Variants in LRP1B observed in about 807,000 individuals in gnomAD.
The protein encoded by LRP1B is LDL receptor related protein 1B, also known as low-density lipoprotein receptor-related protein 1B.
In LRP1B, 217 loss-of-function variants were observed where a neutral mutation model predicts 556.6. The observed-to-expected ratio is 0.39, with a 90% CI of 0.35 to 0.44. LRP1B has a LOEUF of 0.44. Ranked by LOEUF, LRP1B falls within the 20% of genes least tolerant of loss-of-function variation. The pLI, the probability that LRP1B is intolerant of heterozygous loss-of-function variation, is 1.00. For synonymous variants in LRP1B, 2,047 were observed against 1,865.8 expected (o/e 1.10, Z -2.50); for missense variants, 5,053 against 5,620.8 (o/e 0.90, Z 3.23).
chr2:140,854,359 A>G (rs7566979), intron 27 of LRP1B, among the ~76,000 whole-genome samples: 2,338 of 152,238 alleles, frequency 0.015, 64 homozygotes, highest in African/African-American at 0.052. Context: ...TAAAAATTGC[A>G]TTGACTTTGT....
chr2:141,779,738 G>T (rs1695189848), intron 2 of LRP1B, among the ~76,000 whole-genome samples: 1 of 151,800 alleles, frequency 6.6e-6, no homozygotes, highest in Non-Finnish European at 1.5e-5. Flanking sequence ...CCATTGTATA[G>T]ATAGGAAATT....
In LRP1B at chr2:141,895,928, G is replaced by T. The variant is rs184969850; in HGVS notation, c.83-85527C>A. Among the ~76,000 whole-genome samples, 999 of 151,172 alleles carry T rather than the reference G, an allele frequency of 6.6e-3. 5 individuals carry two copies. The highest frequency in any genetic ancestry group is 0.028 in the South Asian group (132 of 4,768). On this transcript the variant is annotated intron_variant, in intron 1 of 90. Transcript: ENST00000389484. ...ATTTTTTGAGTTAGTAAGGATGGCC[G>T]GGACAGCCACCTCCTCTTTTTTAAT...
intron 27 of LRP1B, among the ~76,000 whole-genome samples, chr2:140,861,588 T>C (rs1259873149): frequency 6.6e-6 from 1 of 152,210 alleles, no homozygotes; most frequent in Admixed American, 6.5e-5. Flanking sequence ...CTAAGCTGAT[T>C]GCTATGAAGG....
chr2:141,785,481 G>A (rs913486798), intron 2 of LRP1B, among the ~76,000 whole-genome samples: 1 of 151,704 alleles, frequency 6.6e-6, no homozygotes, highest in African/African-American at 2.4e-5. Flanking sequence ...AAGATTTTAG[G>A]TGACTCTTTT....
At position 141,174,118 on chromosome 2, in the gene LRP1B, A is replaced by C. The variant is rs16845570; in HGVS notation, c.1013+14303T>G. On this transcript the variant is annotated intron_variant, in intron 7 of 90. Coordinates refer to ENST00000389484, the MANE Select transcript of LRP1B (RefSeq NM_018557.3). ...ATAAATGATAAGCTAATGTGTATTTAAAGTCCAAGACTCCAAATCTGGAAA... is the reference window on the plus strand; with the variant it reads ...ATAAATGATAAGCTAATGTGTATTTCAAGTCCAAGACTCCAAATCTGGAAA... 3.9e-3 allele frequency among the ~76,000 whole-genome samples: 596 copies of C among 152,224 alleles called. 6 individuals carry two copies. The highest frequency in any genetic ancestry group is 0.013 in the African/African-American group (557 of 41,562).
chr2:141,979,410 C>G (rs1701981772), intron 1 of LRP1B, among the ~76,000 whole-genome samples: 1 of 152,078 alleles, frequency 6.6e-6, no homozygotes, highest in African/African-American at 2.4e-5. Flanking sequence ...TAAAGTCTAT[C>G]TACATGTATT....
At chr2:141,540,832 A>G (rs1685232725) in intron 2 of LRP1B, among the ~76,000 whole-genome samples, 1 of 152,078 alleles carries the variant, frequency 6.6e-6, no homozygotes, top group African/African-American at 2.4e-5. Context: ...ATAAACTGCC[A>G]GTACTACTCT....
Position 141,108,816 on chromosome 2 carries a change from T to C in LRP1B, c.1014-46543A>G, listed in dbSNP as rs149941167. 3.9e-3 allele frequency among the ~76,000 whole-genome samples: 599 copies of C among 152,310 alleles called. 2 individuals are homozygous for C. The highest frequency in any genetic ancestry group is 4.1e-3 in the Non-Finnish European group (276 of 68,030). Reference sequence around the variant, plus strand: ...ATGACCTGACAAGATGTCCTTTATGTGGAAAGGTATGTGGGCCAAGCTTCC... The same window carrying C: ...ATGACCTGACAAGATGTCCTTTATGCGGAAAGGTATGTGGGCCAAGCTTCC... On this transcript the variant is annotated intron_variant, in intron 7 of 90. Coordinates refer to ENST00000389484, the MANE Select transcript of LRP1B (RefSeq NM_018557.3).
intron 1 of LRP1B, among the ~76,000 whole-genome samples, chr2:142,018,279 C>T (rs1052337752): frequency 1.3e-5 from 2 of 152,202 alleles, no homozygotes; most frequent in South Asian, 2.1e-4. Context: ...CCTGGAATGG[C>T]CATGCCATTT....
At chr2:140,793,977 A>C (rs1313462848) in intron 32 of LRP1B, among the ~76,000 whole-genome samples, 1 of 152,146 alleles carries the variant, frequency 6.6e-6, no homozygotes, top group Non-Finnish European at 1.5e-5. Flanking sequence ...AAACTCTGAA[A>C]GAACGTTATG....
chr2:141,137,611 T>C (rs1701522708), intron 7 of LRP1B, among the ~76,000 whole-genome samples: 1 of 151,974 alleles, frequency 6.6e-6, no homozygotes, highest in African/African-American at 2.4e-5. Flanking sequence ...ATATATACAA[T>C]TGTATTGTGA....
At chr2:141,925,343 CTATTA>C (rs1404413043) in intron 1 of LRP1B, among the ~76,000 whole-genome samples, 8 of 152,098 alleles carry the variant, frequency 5.3e-5, no homozygotes, top group Non-Finnish European at 8.8e-5. Flanking sequence ...ATTGTGTTCT[CTATTA>C]TAAGACTATA....
intron 37 of LRP1B, among the ~76,000 whole-genome samples, chr2:140,706,719 G>T (rs1277707821): frequency 6.6e-6 from 1 of 152,136 alleles, no homozygotes; most frequent in Admixed American, 6.6e-5. Context: ...GCGCCCAAAG[G>T]CCTAGCAAAC....
At chr2:141,823,820 C>A (rs1696837382) in intron 1 of LRP1B, among the ~76,000 whole-genome samples, 1 of 152,052 alleles carries the variant, frequency 6.6e-6, no homozygotes, top group Admixed American at 6.6e-5. Context: ...AGGTGTCCAC[C>A]ACCATGTCAG....
intron 87 of LRP1B, among the ~76,000 whole-genome samples, chr2:140,240,811 A>C (rs970064099): frequency 6.6e-6 from 1 of 150,938 alleles, no homozygotes; most frequent in Admixed American, 6.6e-5. Flanking sequence ...AGGCAAATAC[A>C]TGTGCATGTG....
At position 140,850,267 on chromosome 2, in the gene LRP1B, G is replaced by T. The variant is rs1336514845; in HGVS notation, c.4774C>A (p.Pro1592Thr). 1 of 1,613,734 alleles carries T rather than the reference G, an allele frequency of 6.2e-7. No homozygotes were observed. Among genetic ancestry groups the T allele is most frequent in the African/African-American group, 1.3e-5 (1 of 75,022 alleles). ...AATGCCGTGATGAAGTTAAAGTATG[G>T]ATTGTCAATATCCACTCCTCTGATT... ...SEIRGVDIDN[P>T]YFNFITAFTV... Residue 1592 changes from proline to threonine, a missense_variant, in exon 29 of 91, where the codon CCA (proline) becomes ACA (threonine). Transcript: ENST00000389484.
chr2:141,098,227 G>T lies in LRP1B; in HGVS notation c.1014-35954C>A, dbSNP rs562827444. Among the ~76,000 whole-genome samples, 5 of 149,758 alleles carry T rather than the reference G, an allele frequency of 3.3e-5. No homozygotes were observed. The East Asian group carries it at 9.6e-4, about 29-fold the overall frequency. On this transcript the variant is annotated intron_variant, in intron 7 of 90. Coordinates refer to ENST00000389484, the MANE Select transcript of LRP1B (RefSeq NM_018557.3). ...AAACTATATGGTATCTTTTAAATTG[G>T]TTGTAAAAATACTGGTATAACAGGA...
chr2:141,400,458 A>G (rs1347129530), intron 3 of LRP1B, among the ~76,000 whole-genome samples: 2 of 152,188 alleles, frequency 1.3e-5, no homozygotes, highest in African/African-American at 2.4e-5. Flanking sequence ...TCTGTTCTCT[A>G]TGTAAACTGC....
intron 1 of LRP1B, among the ~76,000 whole-genome samples, chr2:142,052,635 G>A (rs951423240): frequency 1.3e-5 from 2 of 152,036 alleles, no homozygotes; most frequent in East Asian, 1.9e-4. Context: ...GTCCAGGTGC[G>A]CTCTCAGGGT....
Sources: allele counts gnomAD v4.1 joint callset (sites outside exome capture counted in the v4.1 genomes callset), GRCh38; gene constraint gnomAD v4.1.1; transcripts MANE v1.5; gene names NCBI Gene and HGNC (gene_info 2026-07-23, HGNC 2026-07-21).